LRRC4C: variants seen among roughly 807,000 people sequenced by gnomAD.
LRRC4C encodes the protein leucine rich repeat containing 4C, also known as leucine-rich repeat-containing protein 4C.
LRRC4C carries 5 observed loss-of-function variants against 33.6 expected under a neutral mutation model. The ratio of observed to expected loss-of-function variants is 0.15; its 90% CI spans 0.08 to 0.31. The LOEUF is 0.31. LRRC4C is among the 10% of genes least tolerant of loss of function. The pLI, the probability that LRRC4C is intolerant of heterozygous loss-of-function variation, is 1.00. For synonymous variants in LRRC4C, 329 were observed against 302.0 expected (o/e 1.09, Z -0.93); for missense variants, 560 against 796.7 (o/e 0.70, Z 3.58).
At chr11:40,270,725 T>C (rs1043841656) in intron 4 of LRRC4C, among the ~76,000 whole-genome samples, 1 of 152,098 alleles carries the variant, frequency 6.6e-6, no homozygotes, top group Non-Finnish European at 1.5e-5. Flanking sequence ...TGACTTCTAT[T>C]TTCACACAGT....
At chr11:41,091,965 G>A (rs1590533219) in intron 1 of LRRC4C, among the ~76,000 whole-genome samples, 1 of 151,966 alleles carries the variant, frequency 6.6e-6, no homozygotes. Context: ...TATCATAGTT[G>A]CACTAAATAT....
At chr11:40,523,544 A>G (rs1241713181) in intron 3 of LRRC4C, among the ~76,000 whole-genome samples, 5 of 149,198 alleles carry the variant, frequency 3.4e-5, no homozygotes, top group African/African-American at 9.7e-5. Context: ...AATATTATAT[A>G]TAAATGAAAA....
At chr11:41,043,636 G>A (rs1380367035) in intron 1 of LRRC4C, among the ~76,000 whole-genome samples, 1 of 117,978 alleles carries the variant, frequency 8.5e-6, no homozygotes, top group East Asian at 2.7e-4. Flanking sequence ...AAAAAACCAA[G>A]GCATAAAAAA....
rs60440850 is a variant in LRRC4C, at chr11:40,946,139, C to T, written c.-495-12416G>A. On this transcript the variant is annotated intron_variant, in intron 1 of 6. Coordinates refer to ENST00000528697, the MANE Select transcript of LRRC4C (RefSeq NM_001258419.2). ...TGTCTATTGTCAGTGTCTTTATGTCCATGAGTACTCAACGTTTAGCTCCCA... is the reference window on the plus strand; with the variant it reads ...TGTCTATTGTCAGTGTCTTTATGTCTATGAGTACTCAACGTTTAGCTCCCA... 3.3e-5 allele frequency among the ~76,000 whole-genome samples: 5 copies of T among 152,182 alleles called. No individual in the cohort carries two copies. The East Asian group carries it at 9.7e-4, about 29-fold the overall frequency.
intron 1 of LRRC4C, among the ~76,000 whole-genome samples, chr11:41,417,735 A>G (rs1954735741): frequency 6.6e-6 from 1 of 151,922 alleles, no homozygotes; most frequent in African/African-American, 2.4e-5. Flanking sequence ...TCTATCAAAT[A>G]ACAACTATAC....
intron 3 of LRRC4C, among the ~76,000 whole-genome samples, chr11:40,359,379 C>T (rs1447187448): frequency 6.6e-6 from 1 of 152,120 alleles, no homozygotes; most frequent in Non-Finnish European, 1.5e-5. Context: ...TTTGGAGCAT[C>T]CCAGTAGTAT....
intron 2 of LRRC4C, among the ~76,000 whole-genome samples, chr11:40,749,006 A>T (rs1948560803): frequency 6.6e-6 from 1 of 151,910 alleles, no homozygotes; most frequent in South Asian, 2.1e-4. Flanking sequence ...ACATCTAAAG[A>T]GAGAGAGAGA....
At chr11:40,343,391 T>C (rs962175595) in intron 3 of LRRC4C, among the ~76,000 whole-genome samples, 8 of 152,064 alleles carry the variant, frequency 5.3e-5, no homozygotes, top group African/African-American at 1.9e-4. Context: ...TAGTGGTAAA[T>C]ATGCAGGATT....
At chr11:40,739,385 G>A (rs933170779) in intron 2 of LRRC4C, among the ~76,000 whole-genome samples, 3 of 151,216 alleles carry the variant, frequency 2.0e-5, no homozygotes, top group African/African-American at 7.3e-5. Context: ...CAAATGACAG[G>A]ATTTTCTTCT....
chr11:41,442,716 G>A (rs895711854), intron 1 of LRRC4C, among the ~76,000 whole-genome samples: 1 of 151,864 alleles, frequency 6.6e-6, no homozygotes, highest in Admixed American at 6.6e-5. Context: ...TGATCCGCCC[G>A]CCTTTGCCTC....
chr11:41,179,690 G>A (rs1482426951), intron 1 of LRRC4C, among the ~76,000 whole-genome samples: 1 of 152,164 alleles, frequency 6.6e-6, no homozygotes, highest in African/African-American at 2.4e-5. Context: ...AAGCTAGATA[G>A]TAGGTATACA....
chr11:41,163,939 T>C (rs1207244295), intron 1 of LRRC4C, among the ~76,000 whole-genome samples: 6 of 152,166 alleles, frequency 3.9e-5, no homozygotes, highest in Non-Finnish European at 1.5e-5. Flanking sequence ...TTTATTTGTA[T>C]TTGTAATTGT....
At chr11:41,451,926 A>T (rs947228930) in intron 1 of LRRC4C, among the ~76,000 whole-genome samples, 1 of 151,950 alleles carries the variant, frequency 6.6e-6, no homozygotes, top group African/African-American at 2.4e-5. Flanking sequence ...GTCACTATGC[A>T]TGGTGGATGT....
At chr11:40,766,486 C>A (rs1949470010) in intron 2 of LRRC4C, among the ~76,000 whole-genome samples, 1 of 150,270 alleles carries the variant, frequency 6.7e-6, no homozygotes, top group Non-Finnish European at 1.5e-5. Flanking sequence ...TGGTGTATAA[C>A]CTACTTATGT....
chr11:41,226,777 C>CACACACA (rs1565496331), intron 1 of LRRC4C, among the ~76,000 whole-genome samples: 22 of 150,584 alleles, frequency 1.5e-4, no homozygotes, highest in Non-Finnish European at 2.2e-4. Context: ...CACACACACA[C>CACACACA]CCTTCTCTCT....
intron 1 of LRRC4C, among the ~76,000 whole-genome samples, chr11:41,056,247 T>C (rs1858615812): frequency 6.6e-6 from 1 of 151,950 alleles, no homozygotes; most frequent in Non-Finnish European, 1.5e-5. Flanking sequence ...GCCCTCACAA[T>C]CCAAGACAAA....
intron 2 of LRRC4C, among the ~76,000 whole-genome samples, chr11:40,744,509 T>C (rs1288005606): frequency 6.6e-6 from 1 of 152,200 alleles, no homozygotes; most frequent in Non-Finnish European, 1.5e-5. Context: ...TACACAGTAA[T>C]GTGATCATTC....
intron 2 of LRRC4C, among the ~76,000 whole-genome samples, chr11:40,901,938 G>A (rs889724863): frequency 6.7e-6 from 1 of 150,080 alleles, no homozygotes; most frequent in Non-Finnish European, 1.5e-5. Context: ...TAAGTAAAAT[G>A]ATGCTATTGC....
chr11:41,003,086 A>G (rs1316842089), intron 1 of LRRC4C, among the ~76,000 whole-genome samples: 2 of 152,172 alleles, frequency 1.3e-5, no homozygotes, highest in African/African-American at 4.8e-5. Flanking sequence ...ACAAAACAAT[A>G]TGCAAAAGAT....
Sources: gnomAD v4.1 joint callset for allele counts (sites outside exome capture counted in the v4.1 genomes callset) on GRCh38, gnomAD v4.1.1 for gene constraint, MANE v1.5 for transcripts, NCBI Gene and HGNC (gene_info 2026-07-23, HGNC 2026-07-21) for gene names.